The following RGS7 variants were observed in gnomAD, a reference collection of about 807,000 sequenced individuals.
RGS7 encodes regulator of G-protein signaling 7.
RGS7 carries 27 observed loss-of-function variants against 81.1 expected under a neutral mutation model. That is an observed-to-expected ratio of 0.33 (90% CI 0.25 to 0.46). The LOEUF (loss-of-function observed/expected upper bound fraction) is 0.46, where lower values mean the gene tolerates loss of function less well. Among genes scored for constraint, RGS7 ranks in the 20% least tolerant of loss-of-function variants. The pLI, the probability that RGS7 is intolerant of heterozygous loss-of-function variation, is 1.00. For synonymous variants in RGS7, 208 were observed against 207.7 expected (o/e 1.00, Z -0.01); for missense variants, 396 against 607.4 (o/e 0.65, Z 3.66).
chr1:241,134,954 C>T (rs2067391546), intron 2 of RGS7, among the ~76,000 whole-genome samples: 1 of 150,428 alleles, frequency 6.6e-6, no homozygotes. Flanking sequence ...GACACCTACC[C>T]TGGCCGGAAG....
Position 241,033,601 on chromosome 1 carries a change from T to C in RGS7, c.176-50472A>G, listed in dbSNP as rs560174662. On this transcript the variant is annotated intron_variant, in intron 3 of 18. Coordinates refer to ENST00000440928, the MANE Select transcript of RGS7 (RefSeq NM_001364886.1). ...TATTTTTTACTGCCCTTTACTATTC[T>C]TTTTTAGTTTTGGTGATAAAATGTC... Among the ~76,000 whole-genome samples the C allele has an allele frequency of 3.3e-5, 5 of 152,228 alleles. No individual in the cohort carries two copies. In the East Asian group the frequency reaches 7.7e-4, roughly 23 times the overall value.
At chr1:241,304,966 A>G (rs2079999572) in intron 2 of RGS7, among the ~76,000 whole-genome samples, 1 of 152,186 alleles carries the variant, frequency 6.6e-6, no homozygotes, top group African/African-American at 2.4e-5. Flanking sequence ...TGAGCTGTCA[A>G]AAAAAGCTGT....
At chr1:241,115,959 C>T (rs1369006068) in intron 2 of RGS7, among the ~76,000 whole-genome samples, 3 of 152,092 alleles carry the variant, frequency 2.0e-5, no homozygotes, top group Non-Finnish European at 4.4e-5. Context: ...GTCGCAATAT[C>T]TCATGGATTA....
chr1:241,067,804 T>C lies in RGS7; in HGVS notation c.175+30862A>G, dbSNP rs1366447553. ...TGCTGGGATTACAGGCATGAGCCAC[T>C]GCACCCGGCCTACAATGAGATATTT... On this transcript the variant is annotated intron_variant, in intron 3 of 18. Coordinates refer to ENST00000440928, the MANE Select transcript of RGS7 (RefSeq NM_001364886.1). 1.6e-4 allele frequency among the ~76,000 whole-genome samples: 25 copies of C among 152,130 alleles called. 1 individual carries two copies. The highest frequency in any genetic ancestry group is 1.6e-3 in the Admixed American group (24 of 15,270).
At chr1:241,189,988 A>G (rs1310111474) in intron 2 of RGS7, among the ~76,000 whole-genome samples, 3 of 152,126 alleles carry the variant, frequency 2.0e-5, no homozygotes, top group Non-Finnish European at 4.4e-5. Flanking sequence ...CTGTAGTCCC[A>G]GCTACTCGGG....
intron 2 of RGS7, among the ~76,000 whole-genome samples, chr1:241,226,035 A>G (rs558811286): frequency 6.6e-6 from 1 of 152,320 alleles, no homozygotes; most frequent in African/African-American, 2.4e-5. Flanking sequence ...TCAAGAGGGC[A>G]CTGCTGCATC....
intron 10 of RGS7, chr1:240,823,121 G>C: frequency 8.8e-7 from 1 of 1,141,864 alleles, no homozygotes; most frequent in South Asian, 1.2e-5. Context: ...TTCTTTTCTG[G>C]TCTGAGGTAG....
At chr1:240,937,065 A>G (rs1455741181) in intron 4 of RGS7, among the ~76,000 whole-genome samples, 1 of 152,134 alleles carries the variant, frequency 6.6e-6, no homozygotes, top group Non-Finnish European at 1.5e-5. Context: ...GACATGCCCA[A>G]ACATGCCTTG....
At chr1:240,789,285 C>T (rs933972025) in intron 18 of RGS7, among the ~76,000 whole-genome samples, 4 of 152,098 alleles carry the variant, frequency 2.6e-5, no homozygotes, top group East Asian at 3.9e-4. Context: ...GGATGTATGT[C>T]GCCTCAGGAC....
intron 18 of RGS7, among the ~76,000 whole-genome samples, chr1:240,790,402 C>T (rs75053321): frequency 0.042 from 6,413 of 152,172 alleles, 143 homozygotes; most frequent in East Asian, 0.11. Flanking sequence ...ATCCCCACAA[C>T]CCCTTGCCTC....
chr1:241,270,844 C>T (rs1181917006), intron 2 of RGS7, among the ~76,000 whole-genome samples: 5 of 151,686 alleles, frequency 3.3e-5, no homozygotes, highest in African/African-American at 7.3e-5. Flanking sequence ...CTGCAAGTTC[C>T]GCCTCCCGGG....
chr1:241,300,264 C>A (rs1354631547), intron 2 of RGS7, among the ~76,000 whole-genome samples: 1 of 152,168 alleles, frequency 6.6e-6, no homozygotes, highest in Non-Finnish European at 1.5e-5. Flanking sequence ...AATCAACAAA[C>A]CTACATCGCT....
intron 2 of RGS7, among the ~76,000 whole-genome samples, chr1:241,168,434 G>A (rs1378910641): frequency 6.6e-6 from 1 of 152,052 alleles, no homozygotes; most frequent in Admixed American, 6.5e-5. Flanking sequence ...TATATGCATG[G>A]CAGATACTCA....
chr1:240,974,463 CA>C (rs1388689870), intron 4 of RGS7, among the ~76,000 whole-genome samples: 1 of 152,032 alleles, frequency 6.6e-6, no homozygotes, highest in Non-Finnish European at 1.5e-5. Context: ...TCCCATCAGT[CA>C]AAAAAACAAG....
intron 3 of RGS7, among the ~76,000 whole-genome samples, chr1:241,091,670 G>A (rs979249207): frequency 6.6e-6 from 1 of 152,070 alleles, no homozygotes; most frequent in African/African-American, 2.4e-5. Context: ...AGGATCTCTT[G>A]AGTCCAGGAG....
chr1:240,811,217 T>G (rs1689792624), intron 14 of RGS7, among the ~76,000 whole-genome samples: 1 of 152,196 alleles, frequency 6.6e-6, no homozygotes, highest in Non-Finnish European at 1.5e-5. Flanking sequence ...GAAACAACAG[T>G]CTTATATAGT....
intron 4 of RGS7, among the ~76,000 whole-genome samples, chr1:240,942,924 C>T (rs1217942953): frequency 3.9e-5 from 6 of 152,008 alleles, no homozygotes; most frequent in South Asian, 2.1e-4. Context: ...TGGACTATTA[C>T]CATATTTAGA....
chr1:240,918,703 T>C (rs1245841072), intron 6 of RGS7, among the ~76,000 whole-genome samples: 1 of 151,754 alleles, frequency 6.6e-6, no homozygotes, highest in African/African-American at 2.4e-5. Context: ...GCAAATTAAA[T>C]CTAAGCCAAA....
At chr1:241,223,744 A>G (rs915258585) in intron 2 of RGS7, among the ~76,000 whole-genome samples, 1 of 151,972 alleles carries the variant, frequency 6.6e-6, no homozygotes, top group Admixed American at 6.6e-5. Context: ...TCTGTTTGGT[A>G]TAAAGAAGAC....
Sources: allele counts gnomAD v4.1 joint callset (sites outside exome capture counted in the v4.1 genomes callset), GRCh38; gene constraint gnomAD v4.1.1; transcripts MANE v1.5; gene names NCBI Gene and HGNC (gene_info 2026-07-23, HGNC 2026-07-21).